Variants in IMMP2L observed in about 807,000 individuals in gnomAD.
The protein encoded by IMMP2L is mitochondrial inner membrane protease subunit 2.
IMMP2L carries 18 observed loss-of-function variants against 19.3 expected under a neutral mutation model. The observed-to-expected ratio is 0.93, with a 90% CI of 0.64 to 1.38. IMMP2L has a LOEUF of 1.38. Among genes scored for constraint, IMMP2L ranks in the 40% most tolerant of loss-of-function variants. The probability of loss-of-function intolerance (pLI) is 0.00; values close to 1 mark genes in which losing one functional copy is unlikely to be tolerated. For missense variants in IMMP2L, 233 were observed against 218.2 expected (o/e 1.07, Z -0.43); for synonymous variants, 76 against 73.0 (o/e 1.04, Z -0.21).
chr7:110,665,335 C>T (rs1791369411), intron 5 of IMMP2L, among the ~76,000 whole-genome samples: 1 of 152,152 alleles, frequency 6.6e-6, no homozygotes, highest in Non-Finnish European at 1.5e-5. Flanking sequence ...TAGTTGTTGA[C>T]ATCATGCTAA....
At chr7:111,292,071 G>C (rs1367564254) in intron 3 of IMMP2L, among the ~76,000 whole-genome samples, 1 of 152,044 alleles carries the variant, frequency 6.6e-6, no homozygotes, top group Admixed American at 6.6e-5. Context: ...TTCACACACA[G>C]TGAAACCAAG....
At chr7:110,801,473 C>A (rs1423996593) in intron 5 of IMMP2L, among the ~76,000 whole-genome samples, 1 of 152,090 alleles carries the variant, frequency 6.6e-6, no homozygotes, top group African/African-American at 2.4e-5. Flanking sequence ...TTGACTGAGA[C>A]ACTGAACAAT....
intron 3 of IMMP2L, among the ~76,000 whole-genome samples, chr7:111,235,324 A>T (rs764569127): frequency 6.6e-6 from 1 of 151,950 alleles, no homozygotes; most frequent in Non-Finnish European, 1.5e-5. Flanking sequence ...ATACTAAATT[A>T]GCCGAGCGTG....
intron 4 of IMMP2L, among the ~76,000 whole-genome samples, chr7:110,930,843 T>C (rs745540366): frequency 5.9e-5 from 9 of 152,316 alleles, no homozygotes; most frequent in Middle Eastern, 3.4e-3. Flanking sequence ...GCTTCAATTA[T>C]ACCCTAAGTT....
intron 3 of IMMP2L, among the ~76,000 whole-genome samples, chr7:111,316,397 T>C (rs1488538782): frequency 6.6e-6 from 1 of 152,166 alleles, no homozygotes; most frequent in Non-Finnish European, 1.5e-5. Context: ...TATTTCATTA[T>C]GTTAAGAGCC....
chr7:110,730,122 AG>A (rs916417451), intron 5 of IMMP2L, among the ~76,000 whole-genome samples: 16 of 152,266 alleles, frequency 1.1e-4, no homozygotes, highest in Non-Finnish European at 8.8e-5. Context: ...GCTAATATCC[AG>A]TGTCAACTTG....
At chr7:110,819,213 T>A (rs1226599318) in intron 5 of IMMP2L, among the ~76,000 whole-genome samples, 1 of 152,006 alleles carries the variant, frequency 6.6e-6, no homozygotes, top group Non-Finnish European at 1.5e-5. Context: ...GTAACTTAAC[T>A]TGGGTGGAAC....
At chr7:110,903,415 T>A (rs1812116164) in intron 4 of IMMP2L, among the ~76,000 whole-genome samples, 1 of 152,278 alleles carries the variant, frequency 6.6e-6, no homozygotes, top group South Asian at 2.1e-4. Flanking sequence ...CTCTTCATTT[T>A]CCCCTCTGTA....
At chr7:110,690,006 A>G (rs952219265) in intron 5 of IMMP2L, among the ~76,000 whole-genome samples, 1 of 152,152 alleles carries the variant, frequency 6.6e-6, no homozygotes, top group Non-Finnish European at 1.5e-5. Flanking sequence ...CGAAAAAACT[A>G]GTTTTGTTGT....
At chr7:110,813,903 T>C (rs564680735) in intron 5 of IMMP2L, among the ~76,000 whole-genome samples, 70 of 152,090 alleles carry the variant, frequency 4.6e-4, no homozygotes, top group African/African-American at 1.6e-3. Flanking sequence ...AGGAAAGAAA[T>C]TTTACTGTAC....
At chr7:111,119,952 A>C (rs910997361) in intron 3 of IMMP2L, among the ~76,000 whole-genome samples, 2 of 152,180 alleles carry the variant, frequency 1.3e-5, no homozygotes, top group Non-Finnish European at 2.9e-5. Context: ...CAGAGGGGAG[A>C]TTCTTGAACT....
At chr7:110,895,215 C>T (rs577802144) in intron 4 of IMMP2L, among the ~76,000 whole-genome samples, 27 of 152,244 alleles carry the variant, frequency 1.8e-4, no homozygotes, top group Non-Finnish European at 3.8e-4. Context: ...TTCACTGTCA[C>T]GAGAACAGTG....
intron 3 of IMMP2L, among the ~76,000 whole-genome samples, chr7:110,965,598 G>A (rs1819457053): frequency 6.6e-6 from 1 of 151,772 alleles, no homozygotes; most frequent in African/African-American, 2.4e-5. Flanking sequence ...AGGGGTATGG[G>A]CATATTCAAG....
chr7:111,223,423 A>G (rs890120605), intron 3 of IMMP2L, among the ~76,000 whole-genome samples: 10 of 152,106 alleles, frequency 6.6e-5, no homozygotes, highest in African/African-American at 2.4e-4. Context: ...AAGTCTAATT[A>G]AGCACAATGA....
intron 1 of IMMP2L, among the ~76,000 whole-genome samples, chr7:111,529,391 T>C (rs1297330078): frequency 6.6e-6 from 1 of 152,186 alleles, no homozygotes; most frequent in African/African-American, 2.4e-5. Context: ...TAGAAAGCAA[T>C]TTAAAAAATT....
At chr7:110,908,733 T>C (rs1449408309) in intron 4 of IMMP2L, among the ~76,000 whole-genome samples, 1 of 152,198 alleles carries the variant, frequency 6.6e-6, no homozygotes, top group African/African-American at 2.4e-5. Flanking sequence ...AAGGTTTAGA[T>C]AACAGGGATA....
chr7:111,109,837 C>G (rs1798985172), intron 3 of IMMP2L, among the ~76,000 whole-genome samples: 1 of 152,058 alleles, frequency 6.6e-6, no homozygotes, highest in Admixed American at 6.6e-5. Context: ...GGAAAGGGCC[C>G]TTAAAAAGTC....
At chr7:110,994,436 A>T (rs187126401) in intron 3 of IMMP2L, among the ~76,000 whole-genome samples, 30 of 152,208 alleles carry the variant, frequency 2.0e-4, no homozygotes, top group Admixed American at 1.1e-3. Flanking sequence ...TGACCATATG[A>T]TTATATTTTG....
At chr7:111,030,878 GTGTGTGTATATATATATATATATATATA>G (rs1301730956) in intron 3 of IMMP2L, among the ~76,000 whole-genome samples, 1 of 18,726 alleles carries the variant, frequency 5.3e-5, no homozygotes, top group Non-Finnish European at 1.1e-4. Context: ...ATGTGTGTGT[GTGTGTGTATATATATATATATATATATA>G]TATATATATA....
Sources: gnomAD v4.1 joint callset for allele counts (sites outside exome capture counted in the v4.1 genomes callset) on GRCh38, gnomAD v4.1.1 for gene constraint, MANE v1.5 for transcripts, NCBI Gene and HGNC (gene_info 2026-07-23, HGNC 2026-07-21) for gene names.